RAB7A: variants seen among roughly 807,000 people sequenced by gnomAD.
RAB7A encodes the protein RAB7A, member RAS oncogene family, also known as ras-related protein Rab-7a.
RAB7A carries 2 observed loss-of-function variants against 24.5 expected under a neutral mutation model. That is an observed-to-expected ratio of 0.08 (90% CI 0.03 to 0.26). The LOEUF (loss-of-function observed/expected upper bound fraction) is 0.26. RAB7A is among the 10% of genes least tolerant of loss of function. The probability of loss-of-function intolerance (pLI) is 1.00; values close to 1 mark genes in which losing one functional copy is unlikely to be tolerated. For missense variants in RAB7A, 118 were observed against 255.7 expected, an observed-to-expected ratio of 0.46 and a Z score of 3.67; for synonymous variants, 100 against 95.9, an observed-to-expected ratio of 1.04 and a Z score of -0.25.
intron 2 of RAB7A, among the ~76,000 whole-genome samples, chr3:128,796,401 A>G (rs1335504744): frequency 6.6e-6 from 1 of 152,110 alleles, no homozygotes; most frequent in Non-Finnish European, 1.5e-5. Context: ...GTAGCAAGCT[A>G]TGATCATGCC....
At chr3:128,747,137 C>T (rs927812987) in intron 1 of RAB7A, among the ~76,000 whole-genome samples, 1 of 150,736 alleles carries the variant, frequency 6.6e-6, no homozygotes, top group Non-Finnish European at 1.5e-5. Flanking sequence ...TACTCTATCT[C>T]TACAAAAAAA....
At chr3:128,813,282 T>G in intron 5 of RAB7A, 45 bp from the exon 6 acceptor site, 3 of 1,567,174 alleles carry the variant, frequency 1.9e-6, no homozygotes, top group Non-Finnish European at 2.6e-6. Context: ...GGCTGAAATG[T>G]TTCTATTCCC....
chr3:128,744,621 T>C (rs1269232112), intron 1 of RAB7A, among the ~76,000 whole-genome samples: 4 of 152,184 alleles, frequency 2.6e-5, no homozygotes, highest in Admixed American at 2.6e-4. Context: ...GTGCCACTTG[T>C]ATAGCTCCCA....
At chr3:128,773,499 C>A (rs1427478967) in intron 1 of RAB7A, among the ~76,000 whole-genome samples, 1 of 143,864 alleles carries the variant, frequency 7.0e-6, no homozygotes, top group Non-Finnish European at 1.6e-5. Context: ...AGCAAGCCGA[C>A]CCGTCCGGGA....
chr3:128,788,075 G>C (rs907917360), intron 1 of RAB7A, among the ~76,000 whole-genome samples: 3 of 152,222 alleles, frequency 2.0e-5, no homozygotes, highest in Non-Finnish European at 2.9e-5. Context: ...TCCCACCCAG[G>C]AAGTGAATCA....
At chr3:128,804,457 AT>A (rs1003614744) in intron 3 of RAB7A, among the ~76,000 whole-genome samples, 4 of 152,160 alleles carry the variant, frequency 2.6e-5, no homozygotes, top group Admixed American at 2.0e-4. Flanking sequence ...ATCTCTCTTG[AT>A]TTCTATCATG....
chr3:128,802,770 G>T (rs1229117827), intron 3 of RAB7A, among the ~76,000 whole-genome samples: 1 of 150,698 alleles, frequency 6.6e-6, no homozygotes, highest in Non-Finnish European at 1.5e-5. Context: ...GCCTCCCACG[G>T]CGCTGGGATT....
chr3:128,777,382 T>C (rs1933121023), intron 1 of RAB7A, among the ~76,000 whole-genome samples: 1 of 152,090 alleles, frequency 6.6e-6, no homozygotes, highest in East Asian at 1.9e-4. Context: ...TTTTGTTTTC[T>C]GTAGAGATGG....
rs1186668103 is a variant in RAB7A at position 128,813,396 on chromosome 3, G to T, written c.598G>T (p.Ala200Ser). Residue 200 changes from alanine to serine, a missense_variant, in exon 6 of 6, where the codon GCC becomes TCC. Ala to Ser is a moderately conservative substitution (Grantham distance 99, BLOSUM62 1). Around this residue, in one of 2 missense-constraint regions of RAB7A, gnomAD observed 66 missense variants for 82.2 expected, o/e 0.80. Transcript: ENST00000265062. ...IKLDKNDRAK[A>S]SAESCSC Reference sequence around the variant, plus strand: ...ACTGGACAAGAATGACCGGGCCAAGGCCTCGGCAGAAAGCTGCAGTTGCTG... The same window carrying T: ...ACTGGACAAGAATGACCGGGCCAAGTCCTCGGCAGAAAGCTGCAGTTGCTG... 6 of 1,614,082 alleles carry T rather than the reference G, an allele frequency of 3.7e-6. No individual in the cohort carries two copies. Among genetic ancestry groups the T allele is most frequent in the Non-Finnish European group, 5.1e-6 (6 of 1,180,042 alleles).
Position 128,798,112 on chromosome 3 carries a change from CA to C in RAB7A, c.180+44del, listed in dbSNP as rs775002283. ...CTGTGCTGACCAGGCCTTGATAGTTCATTTAGTCTTAATCTTTCCTCATGCA... is the reference window on the plus strand; with the variant it reads ...CTGTGCTGACCAGGCCTTGATAGTTCTTTAGTCTTAATCTTTCCTCATGCA... On this transcript the variant is annotated intron_variant, in intron 3 of 5. Coordinates refer to ENST00000265062, the MANE Select transcript of RAB7A (RefSeq NM_004637.6). 6.8e-6 allele frequency: 11 copies of C among 1,606,518 alleles called. No individual in the cohort carries two copies. In the South Asian group the frequency reaches 1.2e-4, roughly 18 times the overall value.
At chr3:128,752,083 C>G (rs528957991) in intron 1 of RAB7A, among the ~76,000 whole-genome samples, 2 of 151,720 alleles carry the variant, frequency 1.3e-5, no homozygotes, top group Non-Finnish European at 2.9e-5. Context: ...ATTGCCCAGT[C>G]TTGGGTATGT....
At chr3:128,801,012 A>G (rs1375139341) in intron 3 of RAB7A, among the ~76,000 whole-genome samples, 1 of 152,236 alleles carries the variant, frequency 6.6e-6, no homozygotes, top group Admixed American at 6.5e-5. Context: ...GAGGGCTTTT[A>G]GCAGCTTGCA....
chr3:128,759,897 A>G (rs1331330815), intron 1 of RAB7A, among the ~76,000 whole-genome samples: 1 of 151,974 alleles, frequency 6.6e-6, no homozygotes. Flanking sequence ...TTTAGTAGAG[A>G]CGGGGTTTCT....
chr3:128,749,916 G>A (rs1051269018), intron 1 of RAB7A, among the ~76,000 whole-genome samples: 8 of 152,208 alleles, frequency 5.3e-5, no homozygotes, highest in Admixed American at 5.2e-4. Context: ...GTAGAGTGGG[G>A]TGCTGCTGAA....
chr3:128,786,254 C>A (rs959313542), intron 1 of RAB7A, among the ~76,000 whole-genome samples: 1 of 152,178 alleles, frequency 6.6e-6, no homozygotes, highest in Non-Finnish European at 1.5e-5. Flanking sequence ...TGATGTCTTG[C>A]TGTTTCAGGG....
intron 1 of RAB7A, among the ~76,000 whole-genome samples, chr3:128,763,850 C>G (rs2070798823): frequency 1.4e-5 from 2 of 142,938 alleles, no homozygotes; most frequent in Admixed American, 6.9e-5. Flanking sequence ...CTGGCATTCA[C>G]CTGTTAGATT....
chr3:128,788,451 G>A (rs1004144443), intron 1 of RAB7A, among the ~76,000 whole-genome samples: 1 of 123,244 alleles, frequency 8.1e-6, no homozygotes, highest in Non-Finnish European at 1.8e-5. Flanking sequence ...TGAGTGGTTA[G>A]TTACAATGGA....
chr3:128,788,459 G>A (rs1183681668), intron 1 of RAB7A, among the ~76,000 whole-genome samples: 1 of 152,156 alleles, frequency 6.6e-6, no homozygotes, highest in Non-Finnish European at 1.5e-5. Context: ...TAGTTACAAT[G>A]GAAAAAGCAT....
intron 1 of RAB7A, among the ~76,000 whole-genome samples, chr3:128,726,754 C>T (rs1185130715): frequency 3.9e-5 from 6 of 152,192 alleles, no homozygotes; most frequent in Admixed American, 1.3e-4. Context: ...GCCGCCGTGC[C>T]CACCCGGCGG....
Sources: allele counts gnomAD v4.1 joint callset (sites outside exome capture counted in the v4.1 genomes callset), GRCh38; gene constraint gnomAD v4.1.1; regional missense constraint gnomAD v4.1.1; transcripts MANE v1.5; gene names NCBI Gene and HGNC (gene_info 2026-07-23, HGNC 2026-07-21).